The following SPECC1 variants were observed in gnomAD, a reference collection of about 807,000 sequenced individuals.
SPECC1 encodes sperm antigen with calponin homology and coiled-coil domains 1.
In SPECC1, 62 loss-of-function variants were observed where a neutral mutation model predicts 104.1. The ratio of observed to expected loss-of-function variants is 0.60; its 90% CI spans 0.49 to 0.74. The LOEUF (loss-of-function observed/expected upper bound fraction) is 0.74, where lower values mean the gene tolerates loss of function less well. Among genes scored for constraint, SPECC1 ranks in the 30% least tolerant of loss-of-function variants. The probability of loss-of-function intolerance (pLI) is 0.00; values close to 1 mark genes in which losing one functional copy is unlikely to be tolerated. For missense variants in SPECC1, 1,306 were observed against 1,310.5 expected (o/e 1.00, Z 0.05); for synonymous variants, 513 against 501.6 (o/e 1.02, Z -0.30).
At chr17:20,190,599 T>C (rs374683378) in intron 3 of SPECC1, among the ~76,000 whole-genome samples, 6 of 152,356 alleles carry the variant, frequency 3.9e-5, no homozygotes, top group African/African-American at 1.4e-4. Context: ...ATTATCAACA[T>C]CTTCCAATCA....
At chr17:20,133,007 G>A (rs1485589311) in intron 3 of SPECC1, among the ~76,000 whole-genome samples, 1 of 152,112 alleles carries the variant, frequency 6.6e-6, no homozygotes, top group Non-Finnish European at 1.5e-5. Context: ...CCGAAGTTCT[G>A]GGATTACAGG....
intron 3 of SPECC1, among the ~76,000 whole-genome samples, chr17:20,189,067 C>G (rs988923493): frequency 1.3e-5 from 2 of 152,248 alleles, no homozygotes; most frequent in Non-Finnish European, 2.9e-5. Flanking sequence ...CTAGACTAGA[C>G]TAGGTGGTTC....
chr17:20,079,547 C>T (rs1014474424), intron 1 of SPECC1, among the ~76,000 whole-genome samples: 5 of 77,884 alleles, frequency 6.4e-5, no homozygotes, highest in Admixed American at 5.8e-4. Flanking sequence ...ACCTTGGCCT[C>T]TCAAAGTGCT....
chr17:20,124,962 C>T (rs568743712), intron 3 of SPECC1, among the ~76,000 whole-genome samples: 26 of 152,228 alleles, frequency 1.7e-4, no homozygotes, highest in African/African-American at 5.8e-4. Flanking sequence ...GGGCGGATCA[C>T]GAGGTCAGGA....
At chr17:20,288,095 C>A (rs538745869) in intron 12 of SPECC1, among the ~76,000 whole-genome samples, 39 of 152,236 alleles carry the variant, frequency 2.6e-4, no homozygotes, top group South Asian at 4.1e-4. Context: ...AAGGGGCTTC[C>A]AGCTCCATCC....
intron 7 of SPECC1, among the ~76,000 whole-genome samples, chr17:20,241,269 G>GCCC (rs1453298301): frequency 6.6e-6 from 1 of 152,140 alleles, no homozygotes; most frequent in Admixed American, 6.6e-5. Flanking sequence ...CTCTTTGCGT[G>GCCC]CCCCTCATCC....
chr17:20,177,591 T>C (rs1482823542), intron 3 of SPECC1, among the ~76,000 whole-genome samples: 2 of 152,230 alleles, frequency 1.3e-5, no homozygotes, highest in African/African-American at 4.8e-5. Flanking sequence ...ATATCAACAT[T>C]TCTTCATGTA....
chr17:20,118,043 T>TG (rs1310952484), intron 3 of SPECC1, among the ~76,000 whole-genome samples: 1 of 151,984 alleles, frequency 6.6e-6, no homozygotes, highest in Non-Finnish European at 1.5e-5. Flanking sequence ...AAGTGAAGGT[T>TG]GCAGTGAACT....
At chr17:20,156,054 A>C (rs1481708447) in intron 3 of SPECC1, 2 of 1,290,772 alleles carry the variant, frequency 1.5e-6, no homozygotes, top group African/African-American at 3.1e-5. Context: ...AGCTGCTGGG[A>C]ACTGGAAGGC....
In SPECC1 at chr17:20,096,949, G is replaced by A. The variant is rs1056864375; in HGVS notation, c.147+151G>A. 4.8e-6 allele frequency: 5 copies of A among 1,033,158 alleles called. No individual in the cohort carries two copies. In the Admixed American group the frequency reaches 1.0e-4, roughly 21 times the overall value. The allele number at this position is 1,033,158 out of a possible 1,614,324, so 64.0% of individuals were successfully genotyped here. On this transcript the variant is annotated intron_variant, in intron 2 of 14. Coordinates refer to ENST00000395527, the MANE Select transcript of SPECC1 (RefSeq NM_001243439.2). ...CAGGAGGACCAGCATGCCTGGACAT[G>A]AAGGAATAGAGCTAGCGGGTGGGAG...
chr17:20,313,594 G>T (rs748144746), intron 14 of SPECC1, among the ~76,000 whole-genome samples: 2 of 152,308 alleles, frequency 1.3e-5, no homozygotes, highest in Middle Eastern at 3.4e-3. Context: ...CCACGTAATA[G>T]CGCGTGCAGT....
At chr17:20,253,477 C>T (rs370493247) in intron 9 of SPECC1, 28 bp from the exon 10 acceptor site, 6 of 1,611,590 alleles carry the variant, frequency 3.7e-6, no homozygotes, top group South Asian at 2.2e-5. Context: ...ATGAGCTCAC[C>T]GTGCTGGTGT....
chr17:20,118,076 G>A (rs2048849386), intron 3 of SPECC1, among the ~76,000 whole-genome samples: 1 of 151,968 alleles, frequency 6.6e-6, no homozygotes, highest in South Asian at 2.1e-4. Flanking sequence ...CTGCACTCCG[G>A]CCTGGGCAAC....
chr17:20,186,852 G>C (rs1434748822), intron 3 of SPECC1, among the ~76,000 whole-genome samples: 2 of 152,170 alleles, frequency 1.3e-5, no homozygotes, highest in African/African-American at 2.4e-5. Flanking sequence ...TAGATCATAG[G>C]TGTGAGCCAC....
chr17:20,246,757 A>T (rs2039440715), intron 8 of SPECC1, among the ~76,000 whole-genome samples: 1 of 152,234 alleles, frequency 6.6e-6, no homozygotes, highest in African/African-American at 2.4e-5. Flanking sequence ...TCTTCCCCAG[A>T]GTGCAACAAA....
In SPECC1 at chr17:20,204,682, T is replaced by C; in HGVS notation, c.633T>C (p.Asn211=). 1 of 1,613,740 alleles carries C rather than the reference T, an allele frequency of 6.2e-7. No homozygotes were observed. The highest frequency in any genetic ancestry group is 8.5e-7 in the Non-Finnish European group (1 of 1,179,926). ...NAEGTDALGP[N]VDGTSVSPGD... ...AGGGGACTGATGCTTTGGGCCCAAA[T>C]GTCGATGGAACATCAGTCTCCCCAG... Residue 211 remains asparagine, a synonymous_variant, in exon 4 of 15, where the codon AAT becomes AAC. Coordinates refer to ENST00000395527, the MANE Select transcript of SPECC1 (RefSeq NM_001243439.2).
chr17:20,051,068 T>TTCTCTTTC (rs1555597662), intron 1 of SPECC1, among the ~76,000 whole-genome samples: 80 of 90,776 alleles, frequency 8.8e-4, no homozygotes, highest in South Asian at 2.0e-3. Context: ...CTTTCTTTCT[T>TTCTCTTTC]TTTCTTTCTT....
At chr17:20,102,748 T>A (rs190195885) in intron 2 of SPECC1, among the ~76,000 whole-genome samples, 32 of 152,298 alleles carry the variant, frequency 2.1e-4, no homozygotes, top group Admixed American at 1.8e-3. Flanking sequence ...CCCCGTTGCA[T>A]TGCGTTCATT....
chr17:20,089,791 A>G (rs1042534777), intron 1 of SPECC1, among the ~76,000 whole-genome samples: 3 of 152,210 alleles, frequency 2.0e-5, no homozygotes, highest in Non-Finnish European at 4.4e-5. Flanking sequence ...CCTACAGGAA[A>G]TGTTGCAGGC....
Sources: gnomAD v4.1 joint callset for allele counts (sites outside exome capture counted in the v4.1 genomes callset) on GRCh38, gnomAD v4.1.1 for gene constraint, MANE v1.5 for transcripts, NCBI Gene and HGNC (gene_info 2026-07-23, HGNC 2026-07-21) for gene names.